SMPDL3A: variants seen among roughly 807,000 people sequenced by gnomAD.
SMPDL3A encodes the protein cyclic GMP-AMP phosphodiesterase SMPDL3A.
A neutral mutation model predicts 38.5 loss-of-function variants in SMPDL3A; 39 were observed. That is an observed-to-expected ratio of 1.01 (90% CI 0.78 to 1.32). The LOEUF is 1.32. SMPDL3A is among the 40% of genes most tolerant of loss of function. The probability of loss-of-function intolerance (pLI) is 0.00; values close to 1 mark genes in which losing one functional copy is unlikely to be tolerated. For missense variants in SMPDL3A, 502 were observed against 536.2 expected, an observed-to-expected ratio of 0.94 and a Z score of 0.63; for synonymous variants, 180 against 194.3, an observed-to-expected ratio of 0.93 and a Z score of 0.61.
intron 2 of SMPDL3A, 131 bp from the exon 3 acceptor site, chr6:122,796,693 C>T (rs1376105303): frequency 1.8e-6 from 1 of 564,902 alleles, no homozygotes. Flanking sequence ...AGTAGTCTAT[C>T]AACTCTTTAG....
chr6:122,806,518 TTAC>T (rs1261540211), intron 7 of SMPDL3A, among the ~76,000 whole-genome samples, 161 bp downstream of exon 7: 1 of 152,236 alleles, frequency 6.6e-6, no homozygotes. Flanking sequence ...TTATCAGGAC[TTAC>T]TAAGTGTGAG....
chr6:122,792,060 T>C (rs1781096375), intron 1 of SMPDL3A, among the ~76,000 whole-genome samples: 1 of 152,206 alleles, frequency 6.6e-6, no homozygotes, highest in Non-Finnish European at 1.5e-5. Flanking sequence ...CTTTGGACTT[T>C]GAACTAGGAA....
At chr6:122,793,963 A>T (rs1418190970) in intron 1 of SMPDL3A, among the ~76,000 whole-genome samples, 2 of 151,392 alleles carry the variant, frequency 1.3e-5, no homozygotes, top group Non-Finnish European at 2.9e-5. Flanking sequence ...TCAAAAACCC[A>T]AAAGTGTGGA....
At chr6:122,799,367 G>T (rs576494562) in intron 3 of SMPDL3A, among the ~76,000 whole-genome samples, 1 of 152,198 alleles carries the variant, frequency 6.6e-6, no homozygotes, top group African/African-American at 2.4e-5. Context: ...GAGTAATCAT[G>T]GGATTTAGAC....
intron 3 of SMPDL3A, among the ~76,000 whole-genome samples, chr6:122,800,910 C>T (rs1781409410): frequency 6.6e-6 from 1 of 152,102 alleles, no homozygotes; most frequent in Non-Finnish European, 1.5e-5. Flanking sequence ...ACCACCATGC[C>T]TGGGTAATTT....
chr6:122,798,137 G>A (rs7381609), intron 3 of SMPDL3A, among the ~76,000 whole-genome samples: 2,207 of 152,114 alleles, frequency 0.015, 121 homozygotes, highest in Admixed American at 0.12. Flanking sequence ...TTAGTTAATC[G>A]AACCTGAATA....
In SMPDL3A at chr6:122,795,883, T is replaced by C. The variant is rs1318346345; in HGVS notation, c.319T>C (p.Trp107Arg). Reference sequence around the variant, plus strand: ...TGGACAAGAAGCATCTTTCATGATATGGACAGGGTAAGTGATTATACAAGT... The same window carrying C: ...TGGACAAGAAGCATCTTTCATGATACGGACAGGGTAAGTGATTATACAAGT... ...NSGQEASFMIWTGDSPPHVPV... is the reference protein window; with the variant it reads ...NSGQEASFMIRTGDSPPHVPV... The change falls in exon 2 of 8, where the codon TGG becomes CGG. Residue 107 changes from tryptophan to arginine, a missense_variant. Trp to Arg is a moderately radical substitution (Grantham distance 101). Coordinates refer to ENST00000368440, the MANE Select transcript of SMPDL3A (RefSeq NM_006714.5). The C allele has an allele frequency of 1.2e-6, 2 of 1,605,436 alleles. No individual in the cohort carries two copies. The highest frequency in any genetic ancestry group is 1.7e-6 in the Non-Finnish European group (2 of 1,172,226).
chr6:122,803,550 A>G, intron 4 of SMPDL3A, 114 bp from the exon 5 acceptor site: 1 of 731,876 alleles, frequency 1.4e-6, no homozygotes, highest in East Asian at 2.7e-5. Context: ...AAACTAAACA[A>G]TGAGAAATAA....
chr6:122,793,448 C>T (rs753899679), intron 1 of SMPDL3A, among the ~76,000 whole-genome samples: 2 of 152,116 alleles, frequency 1.3e-5, no homozygotes, highest in African/African-American at 2.4e-5. Context: ...TTTACTATAC[C>T]CTTACATTCT....
chr6:122,805,579 C>T (rs1336812115), intron 6 of SMPDL3A, among the ~76,000 whole-genome samples: 2 of 152,170 alleles, frequency 1.3e-5, no homozygotes, highest in Non-Finnish European at 2.9e-5. Context: ...AAACAAACCT[C>T]CTATGTACTC....
At position 122,809,429 on chromosome 6, in the gene SMPDL3A, T is replaced by A. The variant is rs1781777459; in HGVS notation, c.*21T>A. 2 of 1,524,990 alleles carry A rather than the reference T, an allele frequency of 1.3e-6. No homozygotes were observed. The highest frequency in any genetic ancestry group is 1.2e-5 in the South Asian group (1 of 83,950). 94.5% of individuals were successfully genotyped at this position (1,524,990 alleles called of 1,614,324 possible). On this transcript the variant is annotated 3_prime_UTR_variant, in exon 8 of 8. Transcript: ENST00000368440. Reference sequence around the variant, plus strand: ...ACTAGTATTTCACAGTTTTTGCTAATAGAAAATGCTGATTCTGATTCTGAG... The same window carrying A: ...ACTAGTATTTCACAGTTTTTGCTAAAAGAAAATGCTGATTCTGATTCTGAG...
chr6:122,809,416 C>T lies in SMPDL3A; in HGVS notation c.*8C>T, dbSNP rs765055345. The T allele has an allele frequency of 3.8e-6, 6 of 1,577,454 alleles. No homozygotes were observed. Among genetic ancestry groups the T allele is most frequent in the Middle Eastern group, 4.0e-4 (2 of 4,962 alleles). ...ATAAAGCACAATTACTAGTATTTCACAGTTTTTGCTAATAGAAAATGCTGA... is the reference window on the plus strand; with the variant it reads ...ATAAAGCACAATTACTAGTATTTCATAGTTTTTGCTAATAGAAAATGCTGA... On this transcript the variant is annotated 3_prime_UTR_variant, in exon 8 of 8. Coordinates refer to ENST00000368440, the MANE Select transcript of SMPDL3A (RefSeq NM_006714.5).
chr6:122,806,111 C>T (rs1014857403), intron 6 of SMPDL3A, 122 bp from the exon 7 acceptor site: 2 of 765,390 alleles, frequency 2.6e-6, no homozygotes, highest in Non-Finnish European at 3.9e-6. Flanking sequence ...AAGTCAGTAT[C>T]CATTAGTGAT....
chr6:122,802,800 A>C (rs903878801), intron 4 of SMPDL3A, among the ~76,000 whole-genome samples: 1 of 152,186 alleles, frequency 6.6e-6, no homozygotes, highest in African/African-American at 2.4e-5. Context: ...TCTTAAAGGC[A>C]AAAGTGATTT....
intron 4 of SMPDL3A, among the ~76,000 whole-genome samples, chr6:122,803,192 C>T (rs964185415): frequency 1.3e-5 from 2 of 152,190 alleles, no homozygotes; most frequent in South Asian, 4.1e-4. Flanking sequence ...CTTTAAACCT[C>T]CTCTCCCCTG....
intron 3 of SMPDL3A, among the ~76,000 whole-genome samples, chr6:122,798,078 A>G (rs956233255): frequency 2.6e-5 from 4 of 152,200 alleles, no homozygotes. Flanking sequence ...TGCTTAGAAT[A>G]TCTTCCATCT....
chr6:122,800,680 T>TTAAA (rs1194507238), intron 3 of SMPDL3A, among the ~76,000 whole-genome samples: 2 of 152,342 alleles, frequency 1.3e-5, no homozygotes, highest in Admixed American at 6.5e-5. Context: ...AAGTCCTTAT[T>TTAAA]TAAGGCCTGG....
At chr6:122,791,406 A>T (rs1450431707) in intron 1 of SMPDL3A, among the ~76,000 whole-genome samples, 2 of 152,206 alleles carry the variant, frequency 1.3e-5, no homozygotes. Context: ...TAATAGTCAG[A>T]TGAGACTGAA....
intron 4 of SMPDL3A, 68 bp downstream of exon 4, chr6:122,801,474 T>G (rs1781428518): frequency 1.7e-6 from 2 of 1,167,756 alleles, no homozygotes; most frequent in African/African-American, 3.0e-5. Flanking sequence ...ACTTAAATTT[T>G]TAATGTTTGC....
Sources: gnomAD v4.1 joint callset for allele counts (sites outside exome capture counted in the v4.1 genomes callset) on GRCh38, gnomAD v4.1.1 for gene constraint, MANE v1.5 for transcripts, NCBI Gene and HGNC (gene_info 2026-07-23, HGNC 2026-07-21) for gene names.